Variants in VPS54 observed in about 807,000 individuals in gnomAD.
VPS54 encodes the protein vacuolar protein sorting-associated protein 54.
VPS54 carries 45 observed loss-of-function variants against 121.5 expected under a neutral mutation model. The ratio of observed to expected loss-of-function variants is 0.37; its 90% CI spans 0.29 to 0.47. The LOEUF is 0.47. Ranked by LOEUF, VPS54 falls within the 20% of genes least tolerant of loss-of-function variation. VPS54 has a pLI of 0.99. For missense variants in VPS54, 1,090 were observed against 1,131.4 expected (o/e 0.96, Z 0.52); for synonymous variants, 371 against 385.8 (o/e 0.96, Z 0.45).
intron 1 of VPS54, among the ~76,000 whole-genome samples, chr2:64,014,354 T>C (rs1678582606): frequency 6.6e-6 from 1 of 152,176 alleles, no homozygotes; most frequent in Non-Finnish European, 1.5e-5. Flanking sequence ...AAGTAAAATA[T>C]ATATATTTTC....
intron 20 of VPS54, among the ~76,000 whole-genome samples, chr2:63,901,821 G>A (rs777344926): frequency 3.9e-5 from 6 of 152,028 alleles, no homozygotes; most frequent in Non-Finnish European, 7.4e-5. Flanking sequence ...TTTGAGACCA[G>A]CCTGGCCAAC....
At chr2:63,928,425 G>C (rs966981276) in intron 12 of VPS54, among the ~76,000 whole-genome samples, 3 of 152,128 alleles carry the variant, frequency 2.0e-5, no homozygotes, top group Non-Finnish European at 4.4e-5. Flanking sequence ...ATAAGTGAAG[G>C]AGAAATAAAA....
intron 10 of VPS54, among the ~76,000 whole-genome samples, chr2:63,943,096 G>A (rs935971325): frequency 6.6e-6 from 1 of 152,160 alleles, no homozygotes; most frequent in African/African-American, 2.4e-5. Context: ...CCTACCTTAT[G>A]TGGTTGTTGT....
chr2:63,916,013 A>G (rs1673365726), intron 16 of VPS54, among the ~76,000 whole-genome samples: 1 of 152,176 alleles, frequency 6.6e-6, no homozygotes, highest in Non-Finnish European at 1.5e-5. Flanking sequence ...TGGTCATTTC[A>G]AAAAACACTT....
At position 63,958,555 on chromosome 2, in the gene VPS54, A is replaced by C. The variant is rs1396567298; in HGVS notation, c.1010+3503T>G. Among the ~76,000 whole-genome samples, 5 of 152,194 alleles carry C rather than the reference A, an allele frequency of 3.3e-5. No homozygotes were observed. In the East Asian group the frequency reaches 9.6e-4, roughly 29 times the overall value. On this transcript the variant is annotated intron_variant, in intron 7 of 22. Coordinates refer to ENST00000272322, the MANE Select transcript of VPS54 (RefSeq NM_016516.3). ...ACAGCAAGACCTTATCTCTACAAAAAAATTTAAAAATTAGCCTGGCGTGGT... is the reference window on the plus strand; with the variant it reads ...ACAGCAAGACCTTATCTCTACAAAACAATTTAAAAATTAGCCTGGCGTGGT...
rs145642496 is a variant in VPS54, at chr2:63,933,660, C to A, written c.1739+13G>T. ...CAAAATCTTGTCAATTTGGCAGTAG[C>A]CACTATACTCACATAATATCCACAC... On this transcript the variant is annotated intron_variant, in intron 12 of 22. Transcript: ENST00000272322. 4.3e-4 allele frequency: 692 copies of A among 1,601,298 alleles called. 2 individuals carry two copies. In the African/African-American group the frequency reaches 7.9e-3, roughly 18 times the overall value.
At chr2:63,909,822 T>C (rs1362343275) in intron 20 of VPS54, among the ~76,000 whole-genome samples, 1 of 151,070 alleles carries the variant, frequency 6.6e-6, no homozygotes, top group Non-Finnish European at 1.5e-5. Context: ...CTTCCTGAGT[T>C]CAAGCAACTC....
intron 7 of VPS54, among the ~76,000 whole-genome samples, chr2:63,951,530 T>C: frequency 6.6e-6 from 1 of 152,126 alleles, no homozygotes; most frequent in East Asian, 1.9e-4. Flanking sequence ...CAGGAGGTGG[T>C]TATGAAATTA....
chr2:63,988,904 C>T (rs1559042679), intron 1 of VPS54, among the ~76,000 whole-genome samples: 1 of 152,156 alleles, frequency 6.6e-6, no homozygotes. Flanking sequence ...CCATATTTCT[C>T]TTATTGCCAA....
chr2:64,018,740 T>C (rs1185209838), intron 1 of VPS54, among the ~76,000 whole-genome samples, 198 bp downstream of exon 1: 1 of 65,238 alleles, frequency 1.5e-5, no homozygotes, highest in African/African-American at 6.6e-5. Flanking sequence ...GGAGGGAGAG[T>C]GAAAAGGAAA....
intron 5 of VPS54, among the ~76,000 whole-genome samples, chr2:63,967,847 G>A (rs1304249777): frequency 6.6e-6 from 1 of 151,920 alleles, no homozygotes; most frequent in Non-Finnish European, 1.5e-5. Flanking sequence ...TCTTCTGTTG[G>A]AAAGAACAAG....
chr2:63,924,942 A>G (rs62136397), intron 12 of VPS54, among the ~76,000 whole-genome samples: 11,354 of 152,294 alleles, frequency 0.075, 856 homozygotes, highest in African/African-American at 0.19. Flanking sequence ...AATGTGAAAA[A>G]GACAGTAACA....
chr2:64,016,925 A>C (rs955704226), intron 1 of VPS54, among the ~76,000 whole-genome samples: 4 of 151,594 alleles, frequency 2.6e-5, no homozygotes, highest in Non-Finnish European at 4.4e-5. Flanking sequence ...TACACCTTAA[A>C]TGGGTGTATT....
At chr2:64,009,753 G>A (rs1275863878) in intron 1 of VPS54, among the ~76,000 whole-genome samples, 1 of 152,060 alleles carries the variant, frequency 6.6e-6, no homozygotes, top group African/African-American at 2.4e-5. Flanking sequence ...AGTTGAGGCT[G>A]CAGTGAGCTG....
At chr2:63,968,157 T>C (rs1317326496) in intron 5 of VPS54, among the ~76,000 whole-genome samples, 2 of 152,130 alleles carry the variant, frequency 1.3e-5, no homozygotes, top group African/African-American at 4.8e-5. Flanking sequence ...ACAGACCTAT[T>C]TGAGAATCTG....
At position 63,996,288 on chromosome 2, in the gene VPS54, T is replaced by C. The variant is rs190149857; in HGVS notation, c.-20-12269A>G. 1.9e-3 allele frequency among the ~76,000 whole-genome samples: 292 copies of C among 152,174 alleles called. 1 individual carries two copies. The highest frequency in any genetic ancestry group is 2.6e-3 in the Non-Finnish European group (177 of 68,036). On this transcript the variant is annotated intron_variant, in intron 1 of 22. Transcript: ENST00000272322. ...CTTTACTGCAGTCTCTGAACATAAA[T>C]TGTGAACATTTCATGGACATTTATC...
In VPS54 at chr2:63,978,767, G is replaced by A. The variant is rs188876255; in HGVS notation, c.378+2879C>T. Among the ~76,000 whole-genome samples the A allele has an allele frequency of 1.4e-3, 206 of 151,662 alleles. 1 individual carries two copies. Among genetic ancestry groups the A allele is most frequent in the Non-Finnish European group, 2.2e-3 (148 of 67,872 alleles). ...CCTGAGTAGCTGGGACTACAGGCGC[G>A]CACCACCACACCCGGCTAATTTTTG... On this transcript the variant is annotated intron_variant, in intron 3 of 22. Transcript: ENST00000272322.
At chr2:63,945,545 A>T (rs1674940002) in intron 9 of VPS54, among the ~76,000 whole-genome samples, 1 of 152,186 alleles carries the variant, frequency 6.6e-6, no homozygotes, top group Non-Finnish European at 1.5e-5. Flanking sequence ...CTTAAGATAA[A>T]AAAAAATTTT....
intron 1 of VPS54, among the ~76,000 whole-genome samples, chr2:63,995,163 T>TC (rs989581511): frequency 6.6e-6 from 1 of 152,196 alleles, no homozygotes; most frequent in African/African-American, 2.4e-5. Context: ...ACCGTCCCCC[T>TC]CTCTCACTAT....
Sources: gnomAD v4.1 joint callset for allele counts (sites outside exome capture counted in the v4.1 genomes callset) on GRCh38, gnomAD v4.1.1 for gene constraint, MANE v1.5 for transcripts, NCBI Gene and HGNC (gene_info 2026-07-23, HGNC 2026-07-21) for gene names.